The following CDKAL1 variants were observed in gnomAD, a reference collection of about 807,000 sequenced individuals.
CDKAL1 encodes the protein CDKAL1 threonylcarbamoyladenosine tRNA methylthiotransferase.
A neutral mutation model predicts 68.2 loss-of-function variants in CDKAL1; 32 were observed. The observed-to-expected ratio is 0.47, with a 90% CI of 0.35 to 0.63. The LOEUF is 0.63. CDKAL1 is among the 30% of genes least tolerant of loss of function. The probability of loss-of-function intolerance (pLI) is 0.00; values close to 1 mark genes in which losing one functional copy is unlikely to be tolerated. For synonymous variants in CDKAL1, 234 were observed against 244.3 expected (o/e 0.96, Z 0.39); for missense variants, 606 against 696.7 (o/e 0.87, Z 1.47).
intron 10 of CDKAL1, chr6:20,993,393 G>T (rs1432479290): frequency 6.6e-6 from 1 of 151,878 alleles, no homozygotes; most frequent in East Asian, 1.9e-4. Context: ...TTTTGAACAT[G>T]CATGTACTTC....
rs565681683 is a variant in CDKAL1 at position 20,759,639 on chromosome 6, A to T, written c.517+996A>T. Among the ~76,000 whole-genome samples the T allele has an allele frequency of 2.0e-5, 3 of 152,334 alleles. No individual in the cohort carries two copies. In the South Asian group the frequency reaches 6.2e-4, roughly 32 times the overall value. On this transcript the variant is annotated intron_variant, in intron 7 of 15. Coordinates refer to ENST00000274695, the MANE Select transcript of CDKAL1 (RefSeq NM_017774.3). ...AGTACTTTTAACAGTAATAATTTTG[A>T]TGCTTGTTCAAGGTGTATTTTTTAT...
intron 5 of CDKAL1, among the ~76,000 whole-genome samples, chr6:20,715,125 T>A (rs932742819): frequency 1.3e-5 from 2 of 152,192 alleles, no homozygotes; most frequent in African/African-American, 4.8e-5. Flanking sequence ...TTAACTATAG[T>A]CCTTATGTTA....
intron 8 of CDKAL1, among the ~76,000 whole-genome samples, chr6:20,819,745 C>T (rs10806925): frequency 0.29 from 43,319 of 151,948 alleles, 6,695 homozygotes; most frequent in East Asian, 0.53. Context: ...TGTTTGAGTT[C>T]CTTTGTATTT....
intron 11 of CDKAL1, among the ~76,000 whole-genome samples, chr6:21,050,050 A>C (rs1381033362): frequency 6.6e-6 from 1 of 152,128 alleles, no homozygotes; most frequent in African/African-American, 2.4e-5. Context: ...AAAAAGGTAA[A>C]ATTGTACCAA....
chr6:21,192,177 G>A (rs1242568828), intron 13 of CDKAL1, among the ~76,000 whole-genome samples: 3 of 147,344 alleles, frequency 2.0e-5, no homozygotes, highest in Non-Finnish European at 3.0e-5. Context: ...GCCCACCACC[G>A]CGCCCGGCTA....
chr6:20,987,840 C>G (rs1279105301), intron 10 of CDKAL1, among the ~76,000 whole-genome samples: 1 of 151,820 alleles, frequency 6.6e-6, no homozygotes, highest in Non-Finnish European at 1.5e-5. Context: ...AGTGTAGTGG[C>G]ACAATCACGA....
At chr6:20,599,677 C>T (rs938295969) in intron 4 of CDKAL1, among the ~76,000 whole-genome samples, 4 of 152,162 alleles carry the variant, frequency 2.6e-5, no homozygotes, top group African/African-American at 9.6e-5. Context: ...GCAGTGTTCT[C>T]AGGATAAGCC....
chr6:20,853,420 A>G (rs1415306301), intron 9 of CDKAL1, among the ~76,000 whole-genome samples: 1 of 150,322 alleles, frequency 6.7e-6, no homozygotes, highest in African/African-American at 2.5e-5. Flanking sequence ...AAAACCCTAT[A>G]TGATAGGGGT....
chr6:21,003,629 C>T (rs1436528461), intron 11 of CDKAL1, among the ~76,000 whole-genome samples: 1 of 151,474 alleles, frequency 6.6e-6, no homozygotes, highest in Non-Finnish European at 1.5e-5. Context: ...TATGTTTGAC[C>T]TACCTTCCGC....
intron 8 of CDKAL1, among the ~76,000 whole-genome samples, chr6:20,805,970 A>G (rs1776555463): frequency 6.6e-6 from 1 of 152,184 alleles, no homozygotes; most frequent in Admixed American, 6.5e-5. Flanking sequence ...TATGATTTCA[A>G]ATGTTTTTTG....
intron 5 of CDKAL1, among the ~76,000 whole-genome samples, chr6:20,712,083 G>A (rs972330989): frequency 2.0e-5 from 3 of 152,150 alleles, no homozygotes; most frequent in Non-Finnish European, 4.4e-5. Flanking sequence ...AACAAAATCG[G>A]ATCTCTGCCA....
chr6:20,727,490 T>C (rs931532066), intron 5 of CDKAL1, among the ~76,000 whole-genome samples: 20 of 152,098 alleles, frequency 1.3e-4, no homozygotes, highest in South Asian at 8.3e-4. Flanking sequence ...GTTTGGGGCT[T>C]CTTGAGGGGG....
intron 13 of CDKAL1, among the ~76,000 whole-genome samples, chr6:21,137,409 G>A (rs562425158): frequency 6.6e-6 from 1 of 152,244 alleles, no homozygotes; most frequent in Middle Eastern, 3.4e-3. Flanking sequence ...TCATAAAAAG[G>A]AAGGAACTAT....
chr6:21,123,424 C>A (rs1260021698), intron 13 of CDKAL1, among the ~76,000 whole-genome samples: 1 of 152,086 alleles, frequency 6.6e-6, no homozygotes, highest in Admixed American at 6.5e-5. Context: ...GCACTGCACT[C>A]CAGCCTGGGC....
At chr6:20,930,404 A>G (rs1003094495) in intron 9 of CDKAL1, among the ~76,000 whole-genome samples, 13 of 152,206 alleles carry the variant, frequency 8.5e-5, no homozygotes, top group African/African-American at 3.1e-4. Context: ...TTCTGCATAT[A>G]GGTCTGAACA....
intron 12 of CDKAL1, among the ~76,000 whole-genome samples, chr6:21,096,667 G>A (rs958734025): frequency 1.3e-5 from 2 of 151,730 alleles, no homozygotes; most frequent in African/African-American, 4.8e-5. Flanking sequence ...ATAATTTATA[G>A]GTATCAGGCA....
At chr6:20,960,437 T>C (rs947870344) in intron 10 of CDKAL1, among the ~76,000 whole-genome samples, 6 of 152,226 alleles carry the variant, frequency 3.9e-5, no homozygotes, top group African/African-American at 1.4e-4. Flanking sequence ...CTTCCCAAAC[T>C]CTTCCCACAT....
chr6:21,117,131 T>A (rs1237930666), intron 13 of CDKAL1, among the ~76,000 whole-genome samples: 1 of 152,050 alleles, frequency 6.6e-6, no homozygotes, highest in East Asian at 1.9e-4. Flanking sequence ...TTTTCCTGTA[T>A]CTCCCCACCA....
chr6:20,558,716 G>C, intron 4 of CDKAL1: 2 of 393,878 alleles, frequency 5.1e-6, no homozygotes, highest in South Asian at 3.8e-5. Flanking sequence ...AGGATGTGTT[G>C]TTCGAAGTTG....
Sources: allele counts gnomAD v4.1 joint callset (sites outside exome capture counted in the v4.1 genomes callset), GRCh38; gene constraint gnomAD v4.1.1; transcripts MANE v1.5; gene names NCBI Gene and HGNC (gene_info 2026-07-23, HGNC 2026-07-21).